TRMT6: variants seen among roughly 807,000 people sequenced by gnomAD.
The protein encoded by TRMT6 is tRNA (adenine(58)-N(1))-methyltransferase non-catalytic subunit TRM6.
A neutral mutation model predicts 59.0 loss-of-function variants in TRMT6; 34 were observed. The observed-to-expected ratio is 0.58, with a 90% confidence interval of 0.44 to 0.77. The LOEUF (loss-of-function observed/expected upper bound fraction) is 0.77. Among genes scored for constraint, TRMT6 ranks in the 30% least tolerant of loss-of-function variants. TRMT6 has a pLI of 0.00. For missense variants in TRMT6, 575 were observed against 604.5 expected, an observed-to-expected ratio of 0.95 and a Z score of 0.51; for synonymous variants, 217 against 210.5, an observed-to-expected ratio of 1.03 and a Z score of -0.27.
chr20:5,947,824 G>A (rs2088720877), intron 1 of TRMT6, among the ~76,000 whole-genome samples: 1 of 152,136 alleles, frequency 6.6e-6, no homozygotes, highest in Admixed American at 6.5e-5. Flanking sequence ...GGGAGGCCAG[G>A]TGGGTCACTT....
chr20:5,941,839 T>G, intron 8 of TRMT6, 112 bp downstream of exon 8: 2 of 912,818 alleles, frequency 2.2e-6, no homozygotes, highest in Non-Finnish European at 3.4e-6. Flanking sequence ...GACAAAATCC[T>G]CATCTCGGGT....
chr20:5,950,354 G>A lies in TRMT6; in HGVS notation c.52C>T (p.His18Tyr), dbSNP rs2088779207. Residue 18 changes from histidine to tyrosine, a missense_variant, in exon 1 of 11, where the codon CAC becomes TAC. By Grantham distance (83) the His-to-Tyr change is moderately conservative (BLOSUM62 2). Coordinates refer to ENST00000203001, the MANE Select transcript of TRMT6 (RefSeq NM_015939.5). ...ACGAAGTCGCCGTCGCGGATGCGGT[G>A]GTCTCCGGGATGCTGTGGTTGTGGG... ...PGPQPQHPGD[H>Y]RIRDGDFVVL... 6.2e-7 allele frequency: 1 copy of A among 1,611,896 alleles called. No homozygotes were observed. The highest frequency in any genetic ancestry group is 8.5e-7 in the Non-Finnish European group (1 of 1,179,922).
intron 1 of TRMT6, among the ~76,000 whole-genome samples, chr20:5,947,925 C>T (rs972729474): frequency 6.6e-6 from 1 of 152,108 alleles, no homozygotes; most frequent in African/African-American, 2.4e-5. Context: ...GTGGCACACA[C>T]CTGTAGTCCC....
intron 8 of TRMT6, chr20:5,941,605 A>C: frequency 1.8e-6 from 1 of 551,952 alleles, no homozygotes; most frequent in Non-Finnish European, 3.2e-6. Context: ...TTTAAAAAAA[A>C]TCACCTGGAA....
At chr20:5,942,113 AC>A in intron 7 of TRMT6, 77 bp from the exon 8 acceptor site, 1 of 1,246,126 alleles carries the variant, frequency 8.0e-7, no homozygotes, top group Non-Finnish European at 1.2e-6. Context: ...GCCTGTCAAA[AC>A]ATTTCAACAA....
intron 5 of TRMT6, 55 bp downstream of exon 5, chr20:5,943,893 C>CTT: frequency 6.3e-7 from 1 of 1,575,654 alleles, no homozygotes; most frequent in South Asian, 1.2e-5. Flanking sequence ...AAAATCATGA[C>CTT]TTTCTTAAAG....
At chr20:5,946,378 A>G in intron 2 of TRMT6, 28 bp downstream of exon 2, 2 of 1,614,046 alleles carry the variant, frequency 1.2e-6, no homozygotes, top group Non-Finnish European at 1.7e-6. Flanking sequence ...GTTGGAGAGC[A>G]TCTATTTCAC....
In TRMT6 at chr20:5,943,860, G is replaced by A. The variant is rs1488692758; in HGVS notation, c.542+88C>T. The A allele has an allele frequency of 1.6e-5, 24 of 1,536,264 alleles. 1 individual carries two copies. Among genetic ancestry groups the A allele is most frequent in the African/African-American group, 4.2e-5 (3 of 71,854 alleles). Reference sequence around the variant, plus strand: ...AGGTAGGAGGATACTTTATGCAGGTGAGCAAGCTTTTTCATTTTACTTAAA... The same window carrying A: ...AGGTAGGAGGATACTTTATGCAGGTAAGCAAGCTTTTTCATTTTACTTAAA... On this transcript the variant is annotated intron_variant, in intron 5 of 10. Coordinates refer to ENST00000203001, the MANE Select transcript of TRMT6 (RefSeq NM_015939.5).
intron 10 of TRMT6, among the ~76,000 whole-genome samples, chr20:5,939,758 C>T (rs543800842): frequency 1.3e-5 from 2 of 152,282 alleles, no homozygotes; most frequent in African/African-American, 4.8e-5. Flanking sequence ...AACTTCTCTC[C>T]TCTTTCTCCT....
At position 5,938,431 on chromosome 20, in the gene TRMT6, T is replaced by A. The variant is rs1271682300; in HGVS notation, c.*104A>T. On this transcript the variant is annotated 3_prime_UTR_variant, in exon 11 of 11. Transcript: ENST00000203001. The stretch of plus-strand genomic sequence containing the variant: ...TCCTAGAAACGGGTACATAGACATG[T>A]TCTTATTCTTGGGATATGAAAAAAC... 6.7e-6 allele frequency: 8 copies of A among 1,196,252 alleles called. No homozygotes were observed. The highest frequency in any genetic ancestry group is 8.3e-6 in the Non-Finnish European group (7 of 841,908). 74.1% of individuals were successfully genotyped at this position (1,196,252 alleles called of 1,614,324 possible).
chr20:5,944,298 C>A (rs1172291954), intron 3 of TRMT6, 45 bp from the exon 4 acceptor site: 1 of 1,202,962 alleles, frequency 8.3e-7, no homozygotes, highest in Non-Finnish European at 1.2e-6. Flanking sequence ...TTTACTTTCA[C>A]AAAACAAGTA....
At chr20:5,949,309 C>T (rs1214986114) in intron 1 of TRMT6, among the ~76,000 whole-genome samples, 4 of 152,106 alleles carry the variant, frequency 2.6e-5, no homozygotes, top group Admixed American at 1.3e-4. Context: ...TGCAATGAGC[C>T]GAGATTGCAC....
chr20:5,942,013 T>C lies in TRMT6; in HGVS notation c.1050A>G (p.Gln350=). The change falls in exon 8 of 11, where the codon CAA becomes CAG. Residue 350 remains glutamine (Q), a synonymous_variant. Transcript: ENST00000203001. The part of the protein sequence containing the change: ...KDYIQEKQRR[Q]EEQRKRHLEA... ...CTAAATGTCTTTTCCTCTGCTCTTC[T>C]TGTCTCCTCTGTTTTTCCTGAATCT... 4 of 1,613,092 alleles carry C rather than the reference T, an allele frequency of 2.5e-6. No homozygotes were observed. Among genetic ancestry groups the C allele is most frequent in the Non-Finnish European group, 2.5e-6 (3 of 1,180,006 alleles).
At chr20:5,945,346 C>A (rs576938265) in intron 2 of TRMT6, among the ~76,000 whole-genome samples, 1 of 152,352 alleles carries the variant, frequency 6.6e-6, no homozygotes, top group East Asian at 1.9e-4. Context: ...AGCAAGGTCC[C>A]ACAGCAGGCT....
In TRMT6 at chr20:5,938,431, T is replaced by C. The variant is rs1271682300; in HGVS notation, c.*104A>G. The C allele has an allele frequency of 5.9e-6, 7 of 1,196,252 alleles. No individual in the cohort carries two copies. Among genetic ancestry groups the C allele is most frequent in the Non-Finnish European group, 8.3e-6 (7 of 841,908 alleles). The allele number at this position is 1,196,252 out of a possible 1,614,324, so 74.1% of individuals were successfully genotyped here. ...TCCTAGAAACGGGTACATAGACATG[T>C]TCTTATTCTTGGGATATGAAAAAAC... On this transcript the variant is annotated 3_prime_UTR_variant, in exon 11 of 11. Coordinates refer to ENST00000203001, the MANE Select transcript of TRMT6 (RefSeq NM_015939.5).
Position 5,942,020 on chromosome 20 carries a change from CTCT to C in TRMT6, c.1040_1042del (p.Gln347del). 3 of 1,612,772 alleles carry C rather than the reference CTCT, an allele frequency of 1.9e-6. No homozygotes were observed. The highest frequency in any genetic ancestry group is 2.5e-6 in the Non-Finnish European group (3 of 1,179,976). On this transcript the variant is annotated inframe_deletion, in exon 8 of 11. Transcript: ENST00000203001. ...TCTTTTCCTCTGCTCTTCTTGTCTC[CTCT>C]GTTTTTCCTGAATCTTCAAAAAGAA... is the stretch of plus-strand genomic sequence containing the variant.
At chr20:5,943,416 T>A (rs886566934) in intron 6 of TRMT6, 143 bp downstream of exon 6, 3 of 1,085,696 alleles carry the variant, frequency 2.8e-6, no homozygotes, top group Non-Finnish European at 4.0e-6. Flanking sequence ...AAGGTCCCCA[T>A]GCTAGGAGCC....
chr20:5,939,222 C>T (rs2088635214), intron 10 of TRMT6, among the ~76,000 whole-genome samples: 1 of 152,176 alleles, frequency 6.6e-6, no homozygotes, highest in African/African-American at 2.4e-5. Context: ...GTGGCTCACG[C>T]CTGTAATCCC....
intron 1 of TRMT6, among the ~76,000 whole-genome samples, chr20:5,947,962 G>T (rs1468444268): frequency 1.3e-5 from 2 of 152,060 alleles, no homozygotes; most frequent in Non-Finnish European, 2.9e-5. Context: ...GAAGCAGGAG[G>T]GTCACTTGAA....
Sources: allele counts gnomAD v4.1 joint callset (sites outside exome capture counted in the v4.1 genomes callset), GRCh38; gene constraint gnomAD v4.1.1; transcripts MANE v1.5; gene names NCBI Gene and HGNC (gene_info 2026-07-23, HGNC 2026-07-21).